Variants in XYLT1 observed in about 807,000 individuals in gnomAD.
XYLT1 encodes the protein beta-D-xylosyltransferase 1.
A neutral mutation model predicts 91.3 loss-of-function variants in XYLT1; 36 were observed. The observed-to-expected ratio is 0.39, with a 90% CI of 0.30 to 0.52. XYLT1 has a LOEUF of 0.52. Among genes scored for constraint, XYLT1 ranks in the 20% least tolerant of loss-of-function variants. The pLI, the probability that XYLT1 is intolerant of heterozygous loss-of-function variation, is 0.68. For missense variants in XYLT1, 1,242 were observed against 1,284.5 expected, an observed-to-expected ratio of 0.97 and a Z score of 0.51; for synonymous variants, 588 against 532.0, an observed-to-expected ratio of 1.11 and a Z score of -1.45.
At chr16:17,370,270 TAATC>T (rs2035513971) in intron 1 of XYLT1, among the ~76,000 whole-genome samples, 1 of 152,186 alleles carries the variant, frequency 6.6e-6, no homozygotes, top group African/African-American at 2.4e-5. Context: ...AGCAAGTTGA[TAATC>T]AACACGCAGG....
intron 5 of XYLT1, among the ~76,000 whole-genome samples, chr16:17,195,319 A>G (rs377627661): frequency 6.6e-5 from 10 of 152,054 alleles, no homozygotes; most frequent in South Asian, 6.3e-4. Flanking sequence ...TTCCCTCCCA[A>G]TGGATCCCTT....
intron 5 of XYLT1, among the ~76,000 whole-genome samples, chr16:17,176,458 C>A (rs982584325): frequency 6.6e-6 from 1 of 152,222 alleles, no homozygotes; most frequent in Non-Finnish European, 1.5e-5. Flanking sequence ...CCCAAGGGCA[C>A]GTGGCCAGTA....
chr16:17,237,604 T>C (rs1476281157), intron 3 of XYLT1, among the ~76,000 whole-genome samples: 2 of 152,242 alleles, frequency 1.3e-5, no homozygotes, highest in Non-Finnish European at 2.9e-5. Context: ...TCTTCCTTCC[T>C]GAGAGACGCA....
intron 3 of XYLT1, among the ~76,000 whole-genome samples, chr16:17,209,697 G>A (rs4782022): frequency 0.44 from 66,615 of 151,996 alleles, 15,070 homozygotes; most frequent in South Asian, 0.56. Flanking sequence ...CTGTCAAAGA[G>A]AACTCACCTC....
chr16:17,154,671 G>A (rs1320277524), intron 6 of XYLT1, among the ~76,000 whole-genome samples: 1 of 152,294 alleles, frequency 6.6e-6, no homozygotes, highest in East Asian at 1.9e-4. Flanking sequence ...AGGAAAGCAA[G>A]GAGAAACAGT....
intron 2 of XYLT1, among the ~76,000 whole-genome samples, chr16:17,315,681 G>C (rs1159757984): frequency 6.6e-6 from 1 of 152,148 alleles, no homozygotes; most frequent in African/African-American, 2.4e-5. Flanking sequence ...CGAACAAATG[G>C]ACCCCATGAG....
At chr16:17,364,432 A>C (rs1046762765) in intron 1 of XYLT1, among the ~76,000 whole-genome samples, 4 of 152,218 alleles carry the variant, frequency 2.6e-5, no homozygotes, top group Non-Finnish European at 5.9e-5. Flanking sequence ...TGAACATTAA[A>C]TAAAAATAAA....
chr16:17,305,417 CTTT>C (rs35534038), intron 2 of XYLT1, among the ~76,000 whole-genome samples: 15 of 130,134 alleles, frequency 1.2e-4, no homozygotes, highest in African/African-American at 1.2e-4. Context: ...TCTTCTTCTT[CTTT>C]TTTTTTTTTT....
chr16:17,281,482 T>C (rs1191724655), intron 2 of XYLT1, among the ~76,000 whole-genome samples: 1 of 152,130 alleles, frequency 6.6e-6, no homozygotes, highest in East Asian at 1.9e-4. Context: ...TTGGCTCACA[T>C]TTAAACATAA....
intron 1 of XYLT1, among the ~76,000 whole-genome samples, chr16:17,366,308 T>C (rs1596505514): frequency 1.3e-5 from 2 of 152,202 alleles, no homozygotes; most frequent in Non-Finnish European, 1.5e-5. Flanking sequence ...TAAGGTCACA[T>C]AGCTAGTCAA....
At chr16:17,342,637 G>A (rs922083159) in intron 2 of XYLT1, among the ~76,000 whole-genome samples, 3 of 152,098 alleles carry the variant, frequency 2.0e-5, no homozygotes, top group Non-Finnish European at 4.4e-5. Flanking sequence ...CAGGAGAATC[G>A]CTGGAACCCG....
At chr16:17,291,338 A>C (rs2034222916) in intron 2 of XYLT1, among the ~76,000 whole-genome samples, 1 of 152,168 alleles carries the variant, frequency 6.6e-6, no homozygotes, top group Non-Finnish European at 1.5e-5. Flanking sequence ...TCATTCAATG[A>C]GCAGCATATG....
intron 9 of XYLT1, among the ~76,000 whole-genome samples, chr16:17,131,293 A>G (rs1312346861): frequency 2.0e-5 from 3 of 152,340 alleles, no homozygotes; most frequent in African/African-American, 7.2e-5. Flanking sequence ...AAAACTGTTA[A>G]TGTCTCAAAA....
At chr16:17,159,864 C>T (rs910422924) in intron 5 of XYLT1, among the ~76,000 whole-genome samples, 2 of 152,210 alleles carry the variant, frequency 1.3e-5, no homozygotes, top group Non-Finnish European at 2.9e-5. Flanking sequence ...CTGCCAGAAA[C>T]GCAGTCGCCT....
chr16:17,452,305 C>CTTTTTT (rs35177574), intron 1 of XYLT1, among the ~76,000 whole-genome samples: 6 of 131,682 alleles, frequency 4.6e-5, no homozygotes, highest in Admixed American at 7.7e-5. Flanking sequence ...CAGTTTTTTT[C>CTTTTTT]TTTTTTTTTT....
chr16:17,440,468 G>C (rs969867897), intron 1 of XYLT1, among the ~76,000 whole-genome samples: 1 of 152,148 alleles, frequency 6.6e-6, no homozygotes, highest in Non-Finnish European at 1.5e-5. Flanking sequence ...TTCAATGTCA[G>C]CCATTTCTAT....
chr16:17,421,170 C>T lies in XYLT1; in HGVS notation c.363+49264G>A, dbSNP rs115319744. Among the ~76,000 whole-genome samples the T allele has an allele frequency of 2.9e-3, 436 of 152,274 alleles. 4 individuals are homozygous for T. Among genetic ancestry groups the T allele is most frequent in the African/African-American group, 1.0e-2 (415 of 41,568 alleles). ...AAAATCAAGACTCAGACATATATTT[C>T]GATCTTAGGAGAACATGCCTGTGCT... On this transcript the variant is annotated intron_variant, in intron 1 of 11. Transcript: ENST00000261381.
At chr16:17,118,125 G>A in intron 10 of XYLT1, 146 bp from the exon 11 acceptor site, 1 of 806,836 alleles carries the variant, frequency 1.2e-6, no homozygotes. Context: ...CCTGCTCAAG[G>A]TTGCACAGCT....
chr16:17,335,626 A>G (rs2141842144), intron 2 of XYLT1, among the ~76,000 whole-genome samples: 1 of 151,532 alleles, frequency 6.6e-6, no homozygotes, highest in African/African-American at 2.4e-5. Flanking sequence ...CCCGGAAGGC[A>G]GAAGTTGCAG....
Sources: gnomAD v4.1 joint callset for allele counts (sites outside exome capture counted in the v4.1 genomes callset) on GRCh38, gnomAD v4.1.1 for gene constraint, MANE v1.5 for transcripts, NCBI Gene and HGNC (gene_info 2026-07-23, HGNC 2026-07-21) for gene names.